Variants in RGS6 observed in about 807,000 individuals in gnomAD.
The protein encoded by RGS6 is regulator of G-protein signaling 6.
Under a neutral mutation model 78.5 loss-of-function variants are expected in RGS6, and 30 were observed. That is an observed-to-expected ratio of 0.38 (90% confidence interval 0.29 to 0.52). The LOEUF (loss-of-function observed/expected upper bound fraction) is 0.52. RGS6 is among the 20% of genes least tolerant of loss of function. The probability of loss-of-function intolerance (pLI) is 0.85; values close to 1 mark genes in which losing one functional copy is unlikely to be tolerated. For synonymous variants in RGS6, 206 were observed against 206.0 expected, an observed-to-expected ratio of 1.00 and a Z score of 0.00; for missense variants, 495 against 609.7, an observed-to-expected ratio of 0.81 and a Z score of 1.98.
At chr14:72,396,038 G>T (rs2091171735) in intron 3 of RGS6, among the ~76,000 whole-genome samples, 1 of 152,038 alleles carries the variant, frequency 6.6e-6, no homozygotes, top group South Asian at 2.1e-4. Context: ...AATCCTTTGG[G>T]TATATACCCA....
intron 15 of RGS6, among the ~76,000 whole-genome samples, chr14:72,527,840 G>T (rs1212177790): frequency 2.0e-5 from 3 of 152,148 alleles, no homozygotes; most frequent in African/African-American, 4.8e-5. Flanking sequence ...GGACCCAAAA[G>T]CTCCCAAAGT....
chr14:72,319,602 A>G (rs1227589282), intron 2 of RGS6, among the ~76,000 whole-genome samples: 2 of 152,074 alleles, frequency 1.3e-5, no homozygotes, highest in East Asian at 1.9e-4. Context: ...CAGCCTCCCA[A>G]AGTTCTGGGA....
intron 2 of RGS6, among the ~76,000 whole-genome samples, chr14:72,002,338 A>G (rs2083633003): frequency 6.6e-6 from 1 of 152,174 alleles, no homozygotes; most frequent in Admixed American, 6.5e-5. Flanking sequence ...TTCAGGGCTA[A>G]AGGTCAGATT....
chr14:72,048,866 T>G (rs973734264), intron 2 of RGS6, among the ~76,000 whole-genome samples: 2 of 152,160 alleles, frequency 1.3e-5, no homozygotes, highest in African/African-American at 4.8e-5. Flanking sequence ...AACAAAAACC[T>G]CTATAATCCC....
intron 2 of RGS6, among the ~76,000 whole-genome samples, chr14:72,142,935 G>C (rs967036053): frequency 6.6e-6 from 1 of 152,144 alleles, no homozygotes; most frequent in Non-Finnish European, 1.5e-5. Flanking sequence ...TTATTCTTAG[G>C]AATCCTTCCT....
chr14:72,541,695 T>C, intron 17 of RGS6: 1 of 1,470,560 alleles, frequency 6.8e-7, no homozygotes, highest in Non-Finnish European at 9.1e-7. Flanking sequence ...TGGTTAGGGA[T>C]TTTGCTGACA....
chr14:71,900,961 T>C, the RGS6 span, among the ~76,000 whole-genome samples: 1 of 152,096 alleles, frequency 6.6e-6, no homozygotes, highest in Non-Finnish European at 1.5e-5. Context: ...AACCAGATCA[T>C]GTGTGAACTA....
At chr14:72,367,415 T>C (rs2082652279) in intron 3 of RGS6, among the ~76,000 whole-genome samples, 1 of 152,194 alleles carries the variant, frequency 6.6e-6, no homozygotes, top group Non-Finnish European at 1.5e-5. Flanking sequence ...TCATCTCTCC[T>C]TCCATCTTTG....
intron 3 of RGS6, among the ~76,000 whole-genome samples, chr14:72,431,235 C>T (rs2094619337): frequency 2.0e-5 from 3 of 152,280 alleles, no homozygotes; most frequent in East Asian, 3.9e-4. Context: ...ACTGTAACCA[C>T]CTGCTCCAAA....
intron 3 of RGS6, among the ~76,000 whole-genome samples, chr14:72,408,104 C>G (rs547281304): frequency 1.3e-5 from 2 of 152,166 alleles, no homozygotes; most frequent in African/African-American, 4.8e-5. Context: ...GCTTGTTTAT[C>G]CACTTATAAC....
chr14:72,398,416 A>G (rs2091831419), intron 3 of RGS6, among the ~76,000 whole-genome samples: 1 of 152,000 alleles, frequency 6.6e-6, no homozygotes, highest in Admixed American at 6.6e-5. Flanking sequence ...ATCATTTTTT[A>G]TTACATCTAT....
intron 2 of RGS6, among the ~76,000 whole-genome samples, chr14:72,093,798 T>C (rs2095339274): frequency 1.3e-5 from 2 of 152,280 alleles, no homozygotes; most frequent in African/African-American, 4.8e-5. Context: ...AGCATTCTAC[T>C]TGGGGAGAGG....
intron 2 of RGS6, among the ~76,000 whole-genome samples, chr14:72,000,180 G>A (rs1169207857): frequency 3.3e-5 from 5 of 152,210 alleles, no homozygotes; most frequent in Non-Finnish European, 7.3e-5. Context: ...TTTTGTGTAA[G>A]TCAGAAGATA....
intron 2 of RGS6, among the ~76,000 whole-genome samples, chr14:72,158,906 C>T (rs1023805722): frequency 3.9e-5 from 6 of 152,172 alleles, no homozygotes; most frequent in African/African-American, 1.4e-4. Context: ...CCTTTTCTTT[C>T]TGTGTGGCAT....
chr14:72,110,604 G>A (rs1230719400), intron 2 of RGS6, among the ~76,000 whole-genome samples: 1 of 152,216 alleles, frequency 6.6e-6, no homozygotes, highest in East Asian at 1.9e-4. Flanking sequence ...GCATCAGAGT[G>A]TAAATCCAGT....
the RGS6 span, among the ~76,000 whole-genome samples, chr14:71,874,837 A>C: frequency 6.6e-6 from 1 of 152,196 alleles, no homozygotes; most frequent in African/African-American, 2.4e-5. Flanking sequence ...AATTTATTGA[A>C]AGTTTTTAGC....
intron 2 of RGS6, among the ~76,000 whole-genome samples, chr14:72,146,754 G>C (rs563559005): frequency 6.6e-6 from 1 of 152,234 alleles, no homozygotes; most frequent in African/African-American, 2.4e-5. Context: ...ACATGGCCAG[G>C]CTGAAAATTT....
the RGS6 span, among the ~76,000 whole-genome samples, chr14:71,921,332 A>C: frequency 1.1e-4 from 17 of 152,356 alleles, no homozygotes; most frequent in South Asian, 1.7e-3. Context: ...GGGATTAAAA[A>C]TAGAACTACC....
intron 3 of RGS6, among the ~76,000 whole-genome samples, chr14:72,422,630 C>T (rs1346754843): frequency 1.3e-5 from 2 of 152,096 alleles, no homozygotes; most frequent in African/African-American, 4.8e-5. Flanking sequence ...TCGTCCTTGT[C>T]CAAGATTGGG....
Sources: allele counts gnomAD v4.1 joint callset (sites outside exome capture counted in the v4.1 genomes callset), GRCh38; gene constraint gnomAD v4.1.1; transcripts MANE v1.5; gene names NCBI Gene and HGNC (gene_info 2026-07-23, HGNC 2026-07-21).